MED12L: variants seen among roughly 807,000 people sequenced by gnomAD.
The protein encoded by MED12L is mediator of RNA polymerase II transcription subunit 12-like protein.
In MED12L, 60 loss-of-function variants were observed where a neutral mutation model predicts 281.3. The ratio of observed to expected loss-of-function variants is 0.21; its 90% CI spans 0.17 to 0.26. MED12L has a LOEUF of 0.26. MED12L is among the 10% of genes least tolerant of loss of function. The pLI is 1.00. For synonymous variants in MED12L, 974 were observed against 987.2 expected (o/e 0.99, Z 0.25); for missense variants, 2,146 against 2,680.9 (o/e 0.80, Z 4.41).
In MED12L at chr3:151,390,038, A is replaced by C. The variant is rs1713987552; in HGVS notation, c.5511A>C (p.Gln1837His). Reference sequence around the variant, plus strand: ...CTAATTACTCGCCTATCTCCTCCCAAATGATGCACCATCCACAGTCCACCT... The same window carrying C: ...CTAATTACTCGCCTATCTCCTCCCACATGATGCACCATCCACAGTCCACCT... ...VPPNYSPISSQMMHHPQSTLW... is the reference protein window; with the variant it reads ...VPPNYSPISSHMMHHPQSTLW... Residue 1837 changes from glutamine to histidine, a missense_variant, in exon 38 of 45, where the codon CAA (glutamine) becomes CAC (histidine). Physicochemically the swap from Gln to His is conservative, Grantham distance 24 (BLOSUM62 0). Transcript: ENST00000687756. 24 of 1,614,082 alleles carry C rather than the reference A, an allele frequency of 1.5e-5. No individual in the cohort carries two copies. Among genetic ancestry groups the C allele is most frequent in the Non-Finnish European group, 1.9e-5 (23 of 1,179,950 alleles).
At chr3:151,120,223 C>CAA (rs573211148) in intron 3 of MED12L, among the ~76,000 whole-genome samples, 2 of 134,956 alleles carry the variant, frequency 1.5e-5, no homozygotes, top group South Asian at 2.4e-4. Flanking sequence ...GAGACTGTCT[C>CAA]AAAAAAAAAA....
intron 16 of MED12L, among the ~76,000 whole-genome samples, chr3:151,280,778 A>ACT (rs1172682140): frequency 6.6e-6 from 1 of 151,594 alleles, no homozygotes; most frequent in Non-Finnish European, 1.5e-5. Flanking sequence ...ATACTCGTAC[A>ACT]CTCGATTGAA....
chr3:151,423,016 A>ATATAT lies in MED12L; in HGVS notation c.6408+6594_6408+6595insTATAT, dbSNP rs1553820290. Among the ~76,000 whole-genome samples, 532 of 141,712 alleles carry ATATAT rather than the reference A, an allele frequency of 3.8e-3. 3 individuals are homozygous for ATATAT. The highest frequency in any genetic ancestry group is 7.8e-3 in the African/African-American group (302 of 38,702). 93.0% of individuals were successfully genotyped at this position (141,712 alleles called of 152,430 possible). A position where few individuals can be genotyped will look rare whatever the true frequency, so the allele number is the denominator to read the frequency against. On this transcript the variant is annotated intron_variant, in intron 43 of 44. Transcript: ENST00000687756. Reference sequence around the variant, plus strand: ...TTAATGCATTCTAGGAGATCATAAAAATATATATATATATATATTTTGAAA... The same window carrying ATATAT: ...TTAATGCATTCTAGGAGATCATAAAATATATATATATATATATATATATTTTGAAA...
intron 2 of MED12L, among the ~76,000 whole-genome samples, chr3:151,107,121 A>G (rs894735140): frequency 2.1e-5 from 3 of 140,268 alleles, no homozygotes; most frequent in Non-Finnish European, 4.7e-5. Context: ...TTATTAGACT[A>G]TTTTAAAAAT....
chr3:151,286,280 A>G (rs992323243), intron 16 of MED12L, among the ~76,000 whole-genome samples: 1 of 152,218 alleles, frequency 6.6e-6, no homozygotes, highest in Non-Finnish European at 1.5e-5. Flanking sequence ...TCAATACAGA[A>G]CATAAATTTT....
At chr3:151,254,694 A>G (rs1334768264) in intron 16 of MED12L, among the ~76,000 whole-genome samples, 1 of 152,260 alleles carries the variant, frequency 6.6e-6, no homozygotes, top group Non-Finnish European at 1.5e-5. Flanking sequence ...CTTTCGCAGC[A>G]TAGATGCTTC....
At chr3:151,155,296 A>G (rs1238525138) in intron 5 of MED12L, among the ~76,000 whole-genome samples, 1 of 152,250 alleles carries the variant, frequency 6.6e-6, no homozygotes, top group African/African-American at 2.4e-5. Flanking sequence ...AGAATGGGCT[A>G]AAGTTGGCAT....
intron 42 of MED12L, among the ~76,000 whole-genome samples, chr3:151,414,969 C>T (rs146739831): frequency 6.6e-6 from 1 of 152,266 alleles, no homozygotes; most frequent in African/African-American, 2.4e-5. Context: ...ACTATGAGTA[C>T]TCACTTTCTT....
Position 151,193,987 on chromosome 3 carries a change from C to T in MED12L, c.2250+321C>T, listed in dbSNP as rs757160076. Among the ~76,000 whole-genome samples, 93 of 107,968 alleles carry T rather than the reference C, an allele frequency of 8.6e-4. 1 individual carries two copies. Among genetic ancestry groups the T allele is most frequent in the Admixed American group, 4.3e-3 (35 of 8,202 alleles). The allele number at this position is 107,968 out of a possible 152,430, so 70.8% of individuals were successfully genotyped here. On this transcript the variant is annotated intron_variant, in intron 16 of 44. Transcript: ENST00000687756. ...TTTCTTTTTTTTTTTTTTTTTGAGA[C>T]GGAGTTTCATTCCTGTTGCCCAGGC...
At chr3:151,291,032 CT>C (rs1350819099) in intron 16 of MED12L, among the ~76,000 whole-genome samples, 1 of 151,532 alleles carries the variant, frequency 6.6e-6, no homozygotes, top group Non-Finnish European at 1.5e-5. Flanking sequence ...AGCACAGTAT[CT>C]TTTTATATGG....
chr3:151,141,511 A>G (rs1024143389), intron 5 of MED12L, among the ~76,000 whole-genome samples: 1 of 152,208 alleles, frequency 6.6e-6, no homozygotes, highest in African/African-American at 2.4e-5. Context: ...GTTACAAGAT[A>G]CACACCTAAA....
intron 11 of MED12L, among the ~76,000 whole-genome samples, chr3:151,170,293 T>G (rs1355696763): frequency 6.6e-6 from 1 of 150,410 alleles, no homozygotes; most frequent in Non-Finnish European, 1.5e-5. Context: ...TTTTTTTTTT[T>G]GAGATGGAGT....
intron 16 of MED12L, among the ~76,000 whole-genome samples, chr3:151,281,868 A>G (rs1414817183): frequency 6.6e-6 from 1 of 152,216 alleles, no homozygotes; most frequent in Non-Finnish European, 1.5e-5. Context: ...TACAAATAGA[A>G]TGAGTTTAAC....
chr3:151,292,583 T>G (rs1175130416), intron 16 of MED12L, among the ~76,000 whole-genome samples: 1 of 151,778 alleles, frequency 6.6e-6, no homozygotes, highest in Non-Finnish European at 1.5e-5. Context: ...CTCCTCTTCT[T>G]TTTTTTGAGA....
chr3:151,392,576 A>G (rs1032206439), intron 38 of MED12L, among the ~76,000 whole-genome samples: 4 of 152,056 alleles, frequency 2.6e-5, no homozygotes, highest in African/African-American at 9.7e-5. Flanking sequence ...AACAAGCACA[A>G]TCTAAAGTTA....
At chr3:151,256,647 T>G (rs1399221148) in intron 16 of MED12L, among the ~76,000 whole-genome samples, 3 of 152,212 alleles carry the variant, frequency 2.0e-5, no homozygotes, top group Non-Finnish European at 4.4e-5. Flanking sequence ...AGACAAAAGC[T>G]TATTACACTA....
At chr3:151,334,817 TTA>T (rs1750776652) in intron 16 of MED12L, among the ~76,000 whole-genome samples, 1 of 152,100 alleles carries the variant, frequency 6.6e-6, no homozygotes, top group South Asian at 2.1e-4. Flanking sequence ...CTTCTTTTTT[TTA>T]TAGAGCCAGT....
intron 16 of MED12L, among the ~76,000 whole-genome samples, chr3:151,257,785 C>T (rs751031275): frequency 2.0e-5 from 3 of 152,148 alleles, no homozygotes; most frequent in Non-Finnish European, 4.4e-5. Context: ...CTCTGGCTTA[C>T]ATTTTAGACC....
intron 2 of MED12L, among the ~76,000 whole-genome samples, chr3:151,105,985 T>C (rs1335443521): frequency 2.0e-5 from 3 of 152,134 alleles, no homozygotes; most frequent in Admixed American, 2.0e-4. Flanking sequence ...TCAACGTAAA[T>C]CCTGTTGGGT....
Sources: gnomAD v4.1 joint callset for allele counts (sites outside exome capture counted in the v4.1 genomes callset) on GRCh38, gnomAD v4.1.1 for gene constraint, MANE v1.5 for transcripts, NCBI Gene and HGNC (gene_info 2026-07-23, HGNC 2026-07-21) for gene names.